Variants in PDE10A observed in about 807,000 individuals in gnomAD.
PDE10A encodes cAMP and cAMP-inhibited cGMP 3',5'-cyclic phosphodiesterase 10A.
Under a neutral mutation model 97.7 loss-of-function variants are expected in PDE10A, and 39 were observed. The ratio of observed to expected loss-of-function variants is 0.40; its 90% CI spans 0.31 to 0.52. PDE10A has a LOEUF of 0.52. PDE10A is among the 20% of genes least tolerant of loss of function. The pLI, the probability that PDE10A is intolerant of heterozygous loss-of-function variation, is 0.56. For synonymous variants in PDE10A, 371 were observed against 376.8 expected, an observed-to-expected ratio of 0.98 and a Z score of 0.18; for missense variants, 731 against 1,047.8, an observed-to-expected ratio of 0.70 and a Z score of 4.17.
At chr6:165,714,221 G>C (rs1359349345) in intron 1 of PDE10A, among the ~76,000 whole-genome samples, 1 of 152,206 alleles carries the variant, frequency 6.6e-6, no homozygotes. Context: ...CAAGCTCTGC[G>C]TGGGCAGTCA....
At chr6:165,458,026 G>C (rs1253964803) in intron 3 of PDE10A, among the ~76,000 whole-genome samples, 3 of 152,078 alleles carry the variant, frequency 2.0e-5, no homozygotes, top group Non-Finnish European at 1.5e-5. Context: ...TGAGACAAAT[G>C]TTAAATTGGA....
intron 2 of PDE10A, among the ~76,000 whole-genome samples, chr6:165,507,861 A>G (rs1335069252): frequency 6.6e-6 from 1 of 152,100 alleles, no homozygotes; most frequent in Non-Finnish European, 1.5e-5. Context: ...GAGGCTACAT[A>G]CAAAATGTCA....
At chr6:165,363,207 C>A (rs962168313) in intron 18 of PDE10A, among the ~76,000 whole-genome samples, 1 of 152,060 alleles carries the variant, frequency 6.6e-6, no homozygotes, top group Admixed American at 6.6e-5. Context: ...ATAAGCCAAA[C>A]CAATGATTAA....
intron 1 of PDE10A, among the ~76,000 whole-genome samples, chr6:165,553,198 A>G (rs137920124): frequency 6.6e-6 from 1 of 152,292 alleles, no homozygotes; most frequent in African/African-American, 2.4e-5. Context: ...TGATTAAGAG[A>G]TAGATAGGCT....
At chr6:165,466,122 T>TC (rs1405365197) in intron 3 of PDE10A, among the ~76,000 whole-genome samples, 1 of 152,120 alleles carries the variant, frequency 6.6e-6, no homozygotes, top group Non-Finnish European at 1.5e-5. Context: ...TTAGCTCAGT[T>TC]CAATAAAACA....
At chr6:165,556,654 C>T (rs1461430954) in intron 1 of PDE10A, among the ~76,000 whole-genome samples, 1 of 152,130 alleles carries the variant, frequency 6.6e-6, no homozygotes. Context: ...AAGCCTAATG[C>T]TAAGTAAATA....
chr6:165,643,502 G>A (rs1298359587), intron 1 of PDE10A, among the ~76,000 whole-genome samples: 1 of 152,154 alleles, frequency 6.6e-6, no homozygotes, highest in Admixed American at 6.5e-5. Flanking sequence ...ATGAGCCATA[G>A]TAAGGCTCTG....
intron 10 of PDE10A, among the ~76,000 whole-genome samples, chr6:165,424,198 C>CCG (rs1396853847): frequency 1.3e-5 from 2 of 152,172 alleles, no homozygotes; most frequent in African/African-American, 4.8e-5. Context: ...GCCTCCCCAG[C>CCG]TACGTTAGAT....
rs577985897 is a variant in PDE10A, at chr6:165,493,795, A to G, written c.995-11452T>C. Among the ~76,000 whole-genome samples the G allele has an allele frequency of 9.2e-5, 14 of 152,288 alleles. No individual in the cohort carries two copies. The East Asian group carries it at 1.9e-3, about 21-fold the overall frequency. ...ACTTCATGACCAAGAACCCAAAAGC[A>G]AAAATGCCACAAAAGCAAAGATAGA... is the stretch of plus-strand genomic sequence containing the variant. On this transcript the variant is annotated intron_variant, in intron 2 of 21. Transcript: ENST00000539869.
chr6:165,517,106 CTT>C (rs1336978955), intron 2 of PDE10A, among the ~76,000 whole-genome samples: 1 of 152,186 alleles, frequency 6.6e-6, no homozygotes, highest in Non-Finnish European at 1.5e-5. Context: ...ATACACACCT[CTT>C]GTGTCCAACA....
At chr6:165,668,354 ACT>A (rs1790548316) in intron 1 of PDE10A, among the ~76,000 whole-genome samples, 1 of 152,180 alleles carries the variant, frequency 6.6e-6, no homozygotes, top group South Asian at 2.1e-4. Context: ...CAAAATTGCC[ACT>A]GAGTTTATCT....
intron 1 of PDE10A, among the ~76,000 whole-genome samples, chr6:165,835,492 G>A (rs1002173986): frequency 2.0e-5 from 3 of 152,204 alleles, no homozygotes; most frequent in East Asian, 1.9e-4. Context: ...TCCTGTGCTC[G>A]CCAGCTCTGC....
intron 1 of PDE10A, among the ~76,000 whole-genome samples, chr6:165,830,700 G>C (rs1162805651): frequency 6.6e-6 from 1 of 152,076 alleles, no homozygotes; most frequent in African/African-American, 2.4e-5. Context: ...GAGATGTTCT[G>C]TCTCCTTTGT....
intron 1 of PDE10A, chr6:165,986,512 T>C: frequency 9.3e-6 from 1 of 107,264 alleles, no homozygotes; most frequent in Non-Finnish European, 2.0e-5. Flanking sequence ...TCTCTCTCTC[T>C]GTCTCTCTCT....
intron 2 of PDE10A, among the ~76,000 whole-genome samples, chr6:165,500,008 T>C (rs1052729148): frequency 1.2e-4 from 18 of 152,198 alleles, no homozygotes; most frequent in African/African-American, 4.3e-4. Context: ...GAAGATTAAA[T>C]GCTTTCCTAC....
intron 3 of PDE10A, among the ~76,000 whole-genome samples, chr6:165,462,424 C>G (rs528445892): frequency 6.6e-6 from 1 of 152,250 alleles, no homozygotes; most frequent in East Asian, 1.9e-4. Flanking sequence ...GATCCAATAA[C>G]AAAACGTTGG....
intron 1 of PDE10A, among the ~76,000 whole-genome samples, chr6:165,611,311 C>G (rs991076417): frequency 6.6e-6 from 1 of 152,308 alleles, no homozygotes; most frequent in South Asian, 2.1e-4. Flanking sequence ...GACTGATAAG[C>G]TGACTTCCAA....
At chr6:165,691,896 T>C (rs1262399951) in intron 1 of PDE10A, among the ~76,000 whole-genome samples, 2 of 152,230 alleles carry the variant, frequency 1.3e-5, no homozygotes, top group Non-Finnish European at 1.5e-5. Context: ...ACCCAAGCAC[T>C]CGGTACATCC....
intron 1 of PDE10A, among the ~76,000 whole-genome samples, chr6:165,587,443 G>T (rs551203816): frequency 6.6e-6 from 1 of 152,234 alleles, no homozygotes; most frequent in Non-Finnish European, 1.5e-5. Context: ...GGTCCTAGAT[G>T]GGGGTAAGTT....
Sources: gnomAD v4.1 joint callset for allele counts (sites outside exome capture counted in the v4.1 genomes callset) on GRCh38, gnomAD v4.1.1 for gene constraint, MANE v1.5 for transcripts, NCBI Gene and HGNC (gene_info 2026-07-23, HGNC 2026-07-21) for gene names.